CFAP95: variants seen among roughly 807,000 people sequenced by gnomAD.
CFAP95 encodes cilia and flagella associated protein 95.
the CFAP95 span, among the ~76,000 whole-genome samples, chr9:69,873,323 T>C: frequency 2.3e-3 from 349 of 152,282 alleles, no homozygotes; most frequent in African/African-American, 7.8e-3. Flanking sequence ...AAGCCTGGCA[T>C]TCAGCAGCTG....
chr9:69,898,260 A>C, the CFAP95 span, among the ~76,000 whole-genome samples: 1 of 152,062 alleles, frequency 6.6e-6, no homozygotes, highest in Non-Finnish European at 1.5e-5. Flanking sequence ...TTCAGAGCCT[A>C]TGACATTGCA....
chr9:69,856,672 AG>A, the CFAP95 span: 9 of 1,596,866 alleles, frequency 5.6e-6, no homozygotes, highest in Non-Finnish European at 7.7e-6. Context: ...GATTATCGAA[AG>A]GTATTCTTAA....
At chr9:69,840,076 TAAA>T in the CFAP95 span, among the ~76,000 whole-genome samples, 3 of 140,038 alleles carry the variant, frequency 2.1e-5, no homozygotes, top group Non-Finnish European at 1.6e-5. Flanking sequence ...AAACTTCATG[TAAA>T]AAAAAAAAAA....
chr9:69,846,639 C>T, the CFAP95 span, among the ~76,000 whole-genome samples: 6 of 152,284 alleles, frequency 3.9e-5, no homozygotes, highest in Admixed American at 3.3e-4. Flanking sequence ...AAATGACTCA[C>T]CCAAGGTCCC....
chr9:69,851,577 T>A, the CFAP95 span, among the ~76,000 whole-genome samples: 1 of 152,106 alleles, frequency 6.6e-6, no homozygotes, highest in Non-Finnish European at 1.5e-5. Context: ...AGAAGAGCCT[T>A]TTGTGTTTAT....
the CFAP95 span, among the ~76,000 whole-genome samples, chr9:69,889,521 A>T: frequency 6.6e-6 from 1 of 151,996 alleles, no homozygotes; most frequent in Admixed American, 6.6e-5. Context: ...CAGTTTAGAC[A>T]CTCCTGTGAT....
chr9:69,831,861 G>A, the CFAP95 span, among the ~76,000 whole-genome samples: 1 of 152,086 alleles, frequency 6.6e-6, no homozygotes, highest in African/African-American at 2.4e-5. Flanking sequence ...CAGAATGTGT[G>A]GTTGTAAGAA....
At chr9:69,836,347 G>T in the CFAP95 span, among the ~76,000 whole-genome samples, 2 of 152,046 alleles carry the variant, frequency 1.3e-5, no homozygotes, top group East Asian at 3.9e-4. Context: ...GTGGTTGGGG[G>T]CTGTCCTGTG....
chr9:69,858,137 T>C, the CFAP95 span: 366,247 of 603,310 alleles, frequency 0.61, 113,555 homozygotes, highest in East Asian at 0.84. Context: ...TCCTTTCACA[T>C]GCACAACATT....
chr9:69,827,916 G>A, the CFAP95 span, among the ~76,000 whole-genome samples: 1 of 152,134 alleles, frequency 6.6e-6, no homozygotes, highest in African/African-American at 2.4e-5. Flanking sequence ...TCAATGCCTT[G>A]GAAAGAGAGC....
the CFAP95 span, among the ~76,000 whole-genome samples, chr9:69,822,012 C>G: frequency 1.6e-4 from 24 of 152,260 alleles, no homozygotes; most frequent in African/African-American, 5.8e-4. Flanking sequence ...TGGAAATTCA[C>G]TTTCTCTTAT....
At chr9:69,837,606 A>C in the CFAP95 span, among the ~76,000 whole-genome samples, 40 of 151,870 alleles carry the variant, frequency 2.6e-4, no homozygotes, top group Admixed American at 6.6e-4. Flanking sequence ...AATTTGTTGG[A>C]GTTCATTGTA....
the CFAP95 span, among the ~76,000 whole-genome samples, chr9:69,847,568 T>C: frequency 6.6e-6 from 1 of 152,254 alleles, no homozygotes; most frequent in African/African-American, 2.4e-5. Flanking sequence ...GATTATTTTT[T>C]GCTCTGGCTT....
chr9:69,871,533 G>A, the CFAP95 span, among the ~76,000 whole-genome samples: 1 of 151,472 alleles, frequency 6.6e-6, no homozygotes, highest in African/African-American at 2.4e-5. Context: ...CTTAAGTGAT[G>A]GTGATGTGGA....
the CFAP95 span, among the ~76,000 whole-genome samples, chr9:69,823,800 T>A: frequency 1.3e-5 from 2 of 152,274 alleles, no homozygotes; most frequent in East Asian, 1.9e-4. Flanking sequence ...TGGGATTTGT[T>A]CTCTGGCGGG....
At chr9:69,848,415 G>T in the CFAP95 span, among the ~76,000 whole-genome samples, 1 of 152,176 alleles carries the variant, frequency 6.6e-6, no homozygotes, top group Admixed American at 6.5e-5. Context: ...TTTAAGTCTA[G>T]CCAGAGGCAT....
chr9:69,898,837 A>G, the CFAP95 span, among the ~76,000 whole-genome samples: 1 of 152,188 alleles, frequency 6.6e-6, no homozygotes, highest in African/African-American at 2.4e-5. Flanking sequence ...TCTTAAATTA[A>G]AAATGTCTAA....
chr9:69,843,548 C>CTTCTTCTT, the CFAP95 span, among the ~76,000 whole-genome samples: 1 of 16,508 alleles, frequency 6.1e-5, no homozygotes, highest in Non-Finnish European at 1.4e-4. Context: ...TCCTCCTCCT[C>CTTCTTCTT]CTCCTCCTCC....
the CFAP95 span, among the ~76,000 whole-genome samples, chr9:69,847,687 C>T: frequency 6.6e-6 from 1 of 152,192 alleles, no homozygotes; most frequent in East Asian, 1.9e-4. Context: ...CTGGCTAGCC[C>T]TATTCCCATC....
Sources: gnomAD v4.1 joint callset for allele counts (sites outside exome capture counted in the v4.1 genomes callset) on GRCh38, gnomAD v4.1.1 for gene constraint, MANE v1.5 for transcripts, NCBI Gene and HGNC (gene_info 2026-07-23, HGNC 2026-07-21) for gene names.